ANO10: variants seen among roughly 807,000 people sequenced by gnomAD.
ANO10 encodes the protein anoctamin 10, also known as anoctamin-10.
ANO10 carries 77 observed loss-of-function variants against 74.7 expected under a neutral mutation model. The observed-to-expected ratio is 1.03, with a 90% CI of 0.86 to 1.25. The LOEUF (loss-of-function observed/expected upper bound fraction) is 1.25, where lower values mean the gene tolerates loss of function less well. ANO10 is among the 50% of genes most tolerant of loss of function. The pLI is 0.00. For synonymous variants in ANO10, 279 were observed against 284.9 expected (o/e 0.98, Z 0.21); for missense variants, 721 against 778.1 (o/e 0.93, Z 0.87).
At position 43,605,873 on chromosome 3, in the gene ANO10, A is replaced by C. The variant is rs1479144505; in HGVS notation, c.-11-10T>G. 1 of 1,612,528 alleles carries C rather than the reference A, an allele frequency of 6.2e-7. No individual in the cohort carries two copies. Reference sequence around the variant, plus strand: ...TTCATCTTTGACAAATCTGCGGAAAATTAAAATAAAGAGTGAAAATGGGTT... The same window carrying C: ...TTCATCTTTGACAAATCTGCGGAAACTTAAAATAAAGAGTGAAAATGGGTT... On this transcript the variant is annotated splice_polypyrimidine_tract_variant and intron_variant, in intron 1 of 12. Coordinates refer to ENST00000292246, the MANE Select transcript of ANO10 (RefSeq NM_018075.5).
intron 11 of ANO10, among the ~76,000 whole-genome samples, chr3:43,441,265 C>G (rs756009281): frequency 1.3e-5 from 2 of 149,424 alleles, no homozygotes; most frequent in Non-Finnish European, 3.0e-5. Context: ...TCGAAAAGAT[C>G]AACAAAATTA....
At chr3:43,574,959 T>A (rs979153754) in intron 6 of ANO10, 95 bp from the exon 7 acceptor site, 10 of 957,200 alleles carry the variant, frequency 1.0e-5, no homozygotes, top group Non-Finnish European at 1.7e-5. Flanking sequence ...GGCGGAGATG[T>A]CCAACATCAG....
intron 1 of ANO10, among the ~76,000 whole-genome samples, chr3:43,632,645 CTG>C (rs1461482599): frequency 6.6e-6 from 1 of 152,252 alleles, no homozygotes; most frequent in Non-Finnish European, 1.5e-5. Flanking sequence ...CCTGCCAGGA[CTG>C]TGACTGATGC....
intron 11 of ANO10, among the ~76,000 whole-genome samples, chr3:43,435,652 C>T (rs899785012): frequency 6.6e-6 from 1 of 152,260 alleles, no homozygotes; most frequent in South Asian, 2.1e-4. Flanking sequence ...ATCTGTCATA[C>T]TGATTTTCTC....
intron 7 of ANO10, among the ~76,000 whole-genome samples, chr3:43,574,390 C>T (rs1419569176): frequency 6.6e-6 from 1 of 151,780 alleles, no homozygotes; most frequent in Non-Finnish European, 1.5e-5. Context: ...CCTGCCTCAG[C>T]TTCCCAAGTA....
chr3:43,684,727 T>C (rs1407440292), intron 1 of ANO10, among the ~76,000 whole-genome samples: 1 of 152,176 alleles, frequency 6.6e-6, no homozygotes, highest in Non-Finnish European at 1.5e-5. Context: ...GTGGCACATA[T>C]ACACCATGGA....
At chr3:43,487,590 G>A (rs1359543237) in intron 11 of ANO10, among the ~76,000 whole-genome samples, 5 of 152,146 alleles carry the variant, frequency 3.3e-5, no homozygotes, top group East Asian at 1.9e-4. Context: ...GTTTATTTGC[G>A]TAGAGGTGTT....
chr3:43,558,546 T>G (rs549990317), intron 9 of ANO10, among the ~76,000 whole-genome samples: 1 of 152,332 alleles, frequency 6.6e-6, no homozygotes, highest in South Asian at 2.1e-4. Context: ...TTTCTAAGTT[T>G]TCTACAGGGA....
rs572085367 is a variant in ANO10, at chr3:43,518,968, C to T, written c.1797+30752G>A. On this transcript the variant is annotated intron_variant, in intron 11 of 12. Transcript: ENST00000292246. Reference sequence around the variant, plus strand: ...AAGCATGTGATCTCTCTGACCCACACCCTATTCGTACACCCCTCCCCTTTT... The same window carrying T: ...AAGCATGTGATCTCTCTGACCCACATCCTATTCGTACACCCCTCCCCTTTT... Among the ~76,000 whole-genome samples, 194 of 152,226 alleles carry T rather than the reference C, an allele frequency of 1.3e-3. 1 individual carries two copies. Among genetic ancestry groups the T allele is most frequent in the African/African-American group, 4.5e-3 (187 of 41,532 alleles).
rs148096412 is a variant in ANO10, at chr3:43,454,364, T to C, written c.1798-21637A>G. Among the ~76,000 whole-genome samples the C allele has an allele frequency of 3.0e-3, 453 of 152,304 alleles. 1 individual carries two copies. The highest frequency in any genetic ancestry group is 0.011 in the African/African-American group (437 of 41,562). ...CAGATGGGAACCTGCTGGAGGTTTCTGGATGGAGAAGTGATGTGTAAGGTT... is the reference window on the plus strand; with the variant it reads ...CAGATGGGAACCTGCTGGAGGTTTCCGGATGGAGAAGTGATGTGTAAGGTT... On this transcript the variant is annotated intron_variant, in intron 11 of 12. Transcript: ENST00000292246.
chr3:43,382,632 A>G (rs1327689384), intron 12 of ANO10, among the ~76,000 whole-genome samples: 1 of 152,210 alleles, frequency 6.6e-6, no homozygotes, highest in Admixed American at 6.5e-5. Flanking sequence ...TTGAAAAGAT[A>G]GACTAATGGA....
intron 1 of ANO10, among the ~76,000 whole-genome samples, chr3:43,610,760 T>C (rs1418669958): frequency 6.6e-6 from 1 of 152,234 alleles, no homozygotes; most frequent in Admixed American, 6.5e-5. Flanking sequence ...TAGACTTCAA[T>C]GAACTCTAGA....
At chr3:43,631,400 T>G (rs1186765866) in intron 1 of ANO10, among the ~76,000 whole-genome samples, 1 of 152,232 alleles carries the variant, frequency 6.6e-6, no homozygotes, top group Non-Finnish European at 1.5e-5. Flanking sequence ...TTTCTGTTCC[T>G]CAGTTGGCCT....
intron 11 of ANO10, among the ~76,000 whole-genome samples, chr3:43,441,139 CA>C (rs2093152740): frequency 6.7e-6 from 1 of 149,294 alleles, no homozygotes; most frequent in African/African-American, 2.5e-5. Context: ...CAAGAAACTA[CA>C]AAAAGAACAA....
rs1395806349 is a variant in ANO10, at chr3:43,684,592, T to A, written c.-12+6925A>T. 2.0e-5 allele frequency among the ~76,000 whole-genome samples: 3 copies of A among 152,234 alleles called. No homozygotes were observed. The East Asian group carries it at 5.8e-4, about 29-fold the overall frequency. ...CATCCCATTACTAGGTATATACCCA[T>A]AGGATTATAAAACATGCTGCTGTAA... On this transcript the variant is annotated intron_variant, in intron 1 of 3. Coordinates refer to the ANO10 transcript ENST00000413397.
chr3:43,454,636 A>G (rs1034638286), intron 11 of ANO10, among the ~76,000 whole-genome samples: 10 of 152,068 alleles, frequency 6.6e-5, no homozygotes, highest in African/African-American at 2.4e-4. Context: ...TGATGTAGGG[A>G]CCTGAAAATC....
At chr3:43,534,224 A>G (rs1389230212) in intron 11 of ANO10, among the ~76,000 whole-genome samples, 1 of 152,256 alleles carries the variant, frequency 6.6e-6, no homozygotes, top group Non-Finnish European at 1.5e-5. Context: ...CTGTCAGCTA[A>G]TAACAAAAAT....
At chr3:43,375,945 T>G (rs1485002425) in intron 12 of ANO10, among the ~76,000 whole-genome samples, 3 of 152,252 alleles carry the variant, frequency 2.0e-5, no homozygotes, top group Admixed American at 6.5e-5. Flanking sequence ...GCTTTAAATA[T>G]TATCCAACTT....
rs1230279721 is a variant in ANO10, at chr3:43,640,597, AG to A, written c.-11-34735del. On this transcript the variant is annotated intron_variant, in intron 1 of 3. Coordinates refer to the ANO10 transcript ENST00000413397. Reference sequence around the variant, plus strand: ...CTATTTTCTCACCATGTAGCAAAAAAGCAGAAGAGCACACACTCCCAAATAA... The same window carrying A: ...CTATTTTCTCACCATGTAGCAAAAAACAGAAGAGCACACACTCCCAAATAA... Among the ~76,000 whole-genome samples, 3 of 152,250 alleles carry A rather than the reference AG, an allele frequency of 2.0e-5. No individual in the cohort carries two copies. In the East Asian group the frequency reaches 5.8e-4, roughly 29 times the overall value.
Sources: gnomAD v4.1 joint callset for allele counts (sites outside exome capture counted in the v4.1 genomes callset) on GRCh38, gnomAD v4.1.1 for gene constraint, MANE v1.5 for transcripts, NCBI Gene and HGNC (gene_info 2026-07-23, HGNC 2026-07-21) for gene names.